Variants in EVI5 observed in about 807,000 individuals in gnomAD.
EVI5 encodes ecotropic viral integration site 5.
In EVI5, 73 loss-of-function variants were observed where a neutral mutation model predicts 112.0. That is an observed-to-expected ratio of 0.65 (90% CI 0.54 to 0.79). The LOEUF (loss-of-function observed/expected upper bound fraction) is 0.79. EVI5 is among the 30% of genes least tolerant of loss of function. The pLI is 0.00. For synonymous variants in EVI5, 305 were observed against 319.9 expected, an observed-to-expected ratio of 0.95 and a Z score of 0.50; for missense variants, 900 against 968.8, an observed-to-expected ratio of 0.93 and a Z score of 0.94.
At position 92,776,351 on chromosome 1, in the gene EVI5, A is replaced by T. The variant is rs995482277; in HGVS notation, c.-82+8485T>A. Among the ~76,000 whole-genome samples the T allele has an allele frequency of 7.2e-5, 11 of 152,282 alleles. No homozygotes were observed. In the East Asian group the frequency reaches 7.7e-4, roughly 11 times the overall value. Reference sequence around the variant, plus strand: ...TAAAAATTCTAACTCAAAGAGCAACATTTGGGAAGCTACTGACTTAGTGTT... The same window carrying T: ...TAAAAATTCTAACTCAAAGAGCAACTTTTGGGAAGCTACTGACTTAGTGTT... On this transcript the variant is annotated intron_variant, in intron 1 of 19. Transcript: ENST00000684568.
intron 2 of EVI5, among the ~76,000 whole-genome samples, chr1:92,716,722 G>C (rs1433138063): frequency 6.6e-6 from 1 of 151,746 alleles, no homozygotes; most frequent in Non-Finnish European, 1.5e-5. Context: ...TAAAAACCCT[G>C]AAAAAAGATT....
At chr1:92,680,478 T>G (rs1297363454) in intron 9 of EVI5, among the ~76,000 whole-genome samples, 2 of 151,934 alleles carry the variant, frequency 1.3e-5, no homozygotes, top group Admixed American at 1.3e-4. Context: ...TAAATGAGGG[T>G]GAAGGGAAAG....
At chr1:92,527,070 G>A (rs1408916) in intron 19 of EVI5, among the ~76,000 whole-genome samples, 129,559 of 152,118 alleles carry the variant, frequency 0.85, 55,554 homozygotes, top group East Asian at 0.97. Context: ...TGGCCATAAC[G>A]CTCTAATAGC....
At chr1:92,546,233 G>A (rs963953891) in intron 19 of EVI5, among the ~76,000 whole-genome samples, 5 of 152,134 alleles carry the variant, frequency 3.3e-5, no homozygotes, top group African/African-American at 9.7e-5. Flanking sequence ...ATGGATATAC[G>A]AAGTGAATTG....
intron 18 of EVI5, among the ~76,000 whole-genome samples, chr1:92,588,326 C>G (rs1673139111): frequency 6.6e-6 from 1 of 152,208 alleles, no homozygotes; most frequent in Non-Finnish European, 1.5e-5. Flanking sequence ...ATTTACCTCT[C>G]AGACTTCCTC....
chr1:92,693,987 C>T (rs1347256986), intron 8 of EVI5, 88 bp from the exon 9 acceptor site: 1 of 833,680 alleles, frequency 1.2e-6, no homozygotes, highest in Non-Finnish European at 2.0e-6. Context: ...ATGGGCTGGG[C>T]GTGGTGGCTC....
At chr1:92,559,276 T>A (rs1026288455) in intron 19 of EVI5, among the ~76,000 whole-genome samples, 1 of 152,212 alleles carries the variant, frequency 6.6e-6, no homozygotes, top group Non-Finnish European at 1.5e-5. Context: ...AATCCACTGA[T>A]GCAAAATCCA....
chr1:92,772,334 CGCCT>C (rs1683524297), intron 1 of EVI5, among the ~76,000 whole-genome samples: 1 of 151,858 alleles, frequency 6.6e-6, no homozygotes, highest in Non-Finnish European at 1.5e-5. Flanking sequence ...AGGTGGCTCA[CGCCT>C]GTAATCCCAG....
At chr1:92,531,102 T>C (rs528009454) in intron 19 of EVI5, among the ~76,000 whole-genome samples, 4 of 151,852 alleles carry the variant, frequency 2.6e-5, no homozygotes, top group South Asian at 4.2e-4. Flanking sequence ...AATTACCTCA[T>C]GGAGCTGAAA....
intron 18 of EVI5, among the ~76,000 whole-genome samples, chr1:92,587,414 C>T (rs1162275711): frequency 7.0e-6 from 1 of 142,216 alleles, no homozygotes; most frequent in African/African-American, 2.6e-5. Flanking sequence ...AAACTATTAA[C>T]AAGTTAGCTC....
intron 19 of EVI5, among the ~76,000 whole-genome samples, chr1:92,535,017 T>C (rs10782935): frequency 0.85 from 129,610 of 152,152 alleles, 55,582 homozygotes; most frequent in East Asian, 0.97. Context: ...TTTTTGCAAT[T>C]TATATTTTGC....
chr1:92,662,661 A>G, intron 13 of EVI5, 58 bp downstream of exon 13: 1 of 1,090,108 alleles, frequency 9.2e-7, no homozygotes, highest in Non-Finnish European at 1.1e-6. Flanking sequence ...ATGAAAAAAA[A>G]AATGATTGAA....
Position 92,737,762 on chromosome 1 carries a change from T to C in EVI5, c.-81-1135A>G, listed in dbSNP as rs150592335. 3.0e-4 allele frequency among the ~76,000 whole-genome samples: 45 copies of C among 152,268 alleles called. No homozygotes were observed. The East Asian group carries it at 7.5e-3, about 25-fold the overall frequency. The stretch of plus-strand genomic sequence containing the variant: ...ACTTCAATTTAGCAGGGAAATTCCA[T>C]GTACGGAAAGGATAAAATGGAAAAG... On this transcript the variant is annotated intron_variant, in intron 1 of 19. Coordinates refer to ENST00000684568, the MANE Select transcript of EVI5 (RefSeq NM_001350197.2).
chr1:92,609,128 C>T (rs779340847), intron 16 of EVI5, among the ~76,000 whole-genome samples: 5 of 152,122 alleles, frequency 3.3e-5, no homozygotes, highest in Admixed American at 6.5e-5. Context: ...TCTCTCAACC[C>T]GAAATTATTC....
At chr1:92,607,317 T>TAGA in intron 17 of EVI5, 1 of 302,992 alleles carries the variant, frequency 3.3e-6, no homozygotes, top group Non-Finnish European at 5.9e-6. Context: ...AAAGAAAAAC[T>TAGA]GTAAAGAAAT....
intron 19 of EVI5, among the ~76,000 whole-genome samples, chr1:92,547,556 A>G (rs1268901059): frequency 6.6e-6 from 1 of 152,220 alleles, no homozygotes; most frequent in East Asian, 1.9e-4. Context: ...CAATGAATCC[A>G]GGAGCTGTTT....
intron 18 of EVI5, among the ~76,000 whole-genome samples, chr1:92,575,594 G>C (rs1670949226): frequency 9.3e-6 from 1 of 107,416 alleles, no homozygotes; most frequent in Non-Finnish European, 1.7e-5. Flanking sequence ...TTCTGAGACA[G>C]AGTCTCACCC....
chr1:92,564,427 A>G (rs1669098249), intron 18 of EVI5, among the ~76,000 whole-genome samples: 1 of 152,066 alleles, frequency 6.6e-6, no homozygotes, highest in African/African-American at 2.4e-5. Context: ...CTTGGGGAAC[A>G]GAAAAGGGGG....
At chr1:92,594,369 A>G (rs1345537092) in intron 18 of EVI5, among the ~76,000 whole-genome samples, 1 of 151,820 alleles carries the variant, frequency 6.6e-6, no homozygotes, top group Non-Finnish European at 1.5e-5. Context: ...CCATATGTAG[A>G]AAGCTGAAAC....
Sources: gnomAD v4.1 joint callset for allele counts (sites outside exome capture counted in the v4.1 genomes callset) on GRCh38, gnomAD v4.1.1 for gene constraint, MANE v1.5 for transcripts, NCBI Gene and HGNC (gene_info 2026-07-23, HGNC 2026-07-21) for gene names.